Variants in PHC3 observed in about 807,000 individuals in gnomAD.
PHC3 encodes the protein polyhomeotic-like protein 3.
A neutral mutation model predicts 107.4 loss-of-function variants in PHC3; 13 were observed. The ratio of observed to expected loss-of-function variants is 0.12; its 90% CI spans 0.08 to 0.19. The LOEUF (loss-of-function observed/expected upper bound fraction) is 0.19, where lower values mean the gene tolerates loss of function less well. Ranked by LOEUF, PHC3 falls within the 10% of genes least tolerant of loss-of-function variation. The pLI, the probability that PHC3 is intolerant of heterozygous loss-of-function variation, is 1.00. For missense variants in PHC3, 992 were observed against 1,210.9 expected (o/e 0.82, Z 2.68); for synonymous variants, 456 against 427.4 (o/e 1.07, Z -0.83).
chr3:170,157,180 T>C (rs73879180), intron 4 of PHC3, among the ~76,000 whole-genome samples: 15,257 of 152,260 alleles, frequency 0.1, 901 homozygotes, highest in Middle Eastern at 0.16. Context: ...TTAAGTGAGA[T>C]TGATCTCTGT....
At chr3:170,122,796 C>T (rs1043801211) in intron 8 of PHC3, 52 bp from the exon 9 acceptor site, 3 of 1,574,008 alleles carry the variant, frequency 1.9e-6, no homozygotes, top group Admixed American at 3.6e-5. Flanking sequence ...TATATTTTAT[C>T]AGGTGTTCTT....
At chr3:170,177,488 T>C in intron 2 of PHC3, among the ~76,000 whole-genome samples, 1 of 152,048 alleles carries the variant, frequency 6.6e-6, no homozygotes, top group East Asian at 1.9e-4. Flanking sequence ...TGCCTCAGCC[T>C]CCCAAGTAGC....
intron 6 of PHC3, among the ~76,000 whole-genome samples, chr3:170,144,245 GCAGGAGAATCAC>G (rs1724593409): frequency 6.6e-6 from 1 of 151,732 alleles, no homozygotes; most frequent in Non-Finnish European, 1.5e-5. Flanking sequence ...GGAGGTTGAG[GCAGGAGAATCAC>G]TTGAACACAG....
intron 14 of PHC3, among the ~76,000 whole-genome samples, chr3:170,100,827 T>C (rs1715352513): frequency 6.6e-6 from 1 of 152,208 alleles, no homozygotes; most frequent in East Asian, 1.9e-4. Context: ...CCATATTTGT[T>C]AATTATTTGG....
chr3:170,137,144 C>A (rs1356037193), intron 6 of PHC3, among the ~76,000 whole-genome samples: 1 of 152,138 alleles, frequency 6.6e-6, no homozygotes, highest in African/African-American at 2.4e-5. Flanking sequence ...AAAATTAATT[C>A]ATCAAATCAT....
chr3:170,146,798 G>T (rs1258933539), intron 5 of PHC3, among the ~76,000 whole-genome samples: 1 of 150,604 alleles, frequency 6.6e-6, no homozygotes, highest in African/African-American at 2.4e-5. Flanking sequence ...CTCCCAAAGT[G>T]CTGGGATTAC....
intron 12 of PHC3, among the ~76,000 whole-genome samples, chr3:170,104,289 C>T (rs940516201): frequency 2.0e-5 from 3 of 151,964 alleles, no homozygotes; most frequent in African/African-American, 7.3e-5. Context: ...ATGGGAAAGA[C>T]CTGGCCTGGG....
chr3:170,168,622 C>A (rs980110359), intron 4 of PHC3, among the ~76,000 whole-genome samples: 1 of 151,578 alleles, frequency 6.6e-6, no homozygotes, highest in Non-Finnish European at 1.5e-5. Context: ...GGTGCGGTGG[C>A]GGGCGCCTGT....
At chr3:170,112,068 G>T (rs751881626) in intron 11 of PHC3, among the ~76,000 whole-genome samples, 15 of 152,042 alleles carry the variant, frequency 9.9e-5, no homozygotes, top group Admixed American at 2.6e-4. Context: ...TATAGAACAC[G>T]GCAATTCAGA....
At chr3:170,175,963 C>G (rs1730396569) in intron 2 of PHC3, among the ~76,000 whole-genome samples, 1 of 149,800 alleles carries the variant, frequency 6.7e-6, no homozygotes, top group Non-Finnish European at 1.5e-5. Context: ...CACGGTAGCT[C>G]ATGCCTGTGA....
chr3:170,153,035 T>C (rs1344446656), intron 4 of PHC3, among the ~76,000 whole-genome samples: 1 of 152,218 alleles, frequency 6.6e-6, no homozygotes, highest in East Asian at 1.9e-4. Context: ...CTGATGACTC[T>C]TGATTCTTAA....
chr3:170,140,578 C>CTTTT (rs1723886941), intron 6 of PHC3, among the ~76,000 whole-genome samples: 1 of 95,148 alleles, frequency 1.1e-5, no homozygotes, highest in Non-Finnish European at 2.1e-5. Flanking sequence ...TTACTCATTT[C>CTTTT]TTTTTCTTTT....
Position 170,122,866 on chromosome 3 carries a change from T to TA in PHC3, c.1789-123_1789-122insT, listed in dbSNP as rs1720616016. On this transcript the variant is annotated intron_variant, in intron 8 of 14. Transcript: ENST00000495893. The stretch of plus-strand genomic sequence containing the variant: ...TTAAAAACAAGGCAAAAATGACTAC[T>TA]CTAACAGACTGAAAGGAAAACTTAA... The TA allele has an allele frequency of 2.9e-6, 3 of 1,041,002 alleles. No individual in the cohort carries two copies. In the African/African-American group the frequency reaches 4.9e-5, roughly 17 times the overall value. The allele number at this position is 1,041,002 out of a possible 1,614,324, so 64.5% of individuals were successfully genotyped here. A position where few individuals can be genotyped will look rare whatever the true frequency, so the allele number is the denominator to read the frequency against.
chr3:170,099,354 T>G (rs1029093888), intron 14 of PHC3, among the ~76,000 whole-genome samples: 3 of 152,148 alleles, frequency 2.0e-5, no homozygotes, highest in Admixed American at 2.0e-4. Context: ...ACAAAAAAAG[T>G]ATAGTTACAT....
At chr3:170,171,549 G>T in intron 3 of PHC3, 99 bp from the exon 4 acceptor site, 1 of 798,876 alleles carries the variant, frequency 1.3e-6, no homozygotes, top group Non-Finnish European at 2.0e-6. Context: ...AATGTCAAAA[G>T]GCCTATGTAT....
At chr3:170,140,342 C>G (rs1352759840) in intron 6 of PHC3, among the ~76,000 whole-genome samples, 1 of 151,112 alleles carries the variant, frequency 6.6e-6, no homozygotes, top group Non-Finnish European at 1.5e-5. Context: ...CAACCTCCAC[C>G]TCCTGGGTTC....
chr3:170,130,785 G>GA (rs1722120152), intron 7 of PHC3, among the ~76,000 whole-genome samples: 1 of 152,200 alleles, frequency 6.6e-6, no homozygotes, highest in Non-Finnish European at 1.5e-5. Context: ...TATAGAAAGG[G>GA]AGATGCTGAT....
chr3:170,126,528 A>ATATATATATATATATATATATATTTTT (rs370421296), intron 8 of PHC3, among the ~76,000 whole-genome samples: 1 of 90,638 alleles, frequency 1.1e-5, no homozygotes, highest in African/African-American at 4.5e-5. Context: ...ATATATATAT[A>ATATATATATATATATATATATATTTTT]TTTTTTTTTT....
intron 4 of PHC3, among the ~76,000 whole-genome samples, chr3:170,152,742 C>T (rs1226336391): frequency 6.6e-6 from 1 of 151,816 alleles, no homozygotes; most frequent in African/African-American, 2.4e-5. Flanking sequence ...CTCACTGCAG[C>T]CCCAATTTCC....
Sources: gnomAD v4.1 joint callset for allele counts (sites outside exome capture counted in the v4.1 genomes callset) on GRCh38, gnomAD v4.1.1 for gene constraint, MANE v1.5 for transcripts, NCBI Gene and HGNC (gene_info 2026-07-23, HGNC 2026-07-21) for gene names.